XXYLT1: variants seen among roughly 807,000 people sequenced by gnomAD.
XXYLT1 encodes UDP-xylose:alpha-xyloside alpha-1,3-xylosyltransferase.
XXYLT1 carries 20 observed loss-of-function variants against 28.9 expected under a neutral mutation model. That is an observed-to-expected ratio of 0.69 (90% CI 0.49 to 1.00). XXYLT1 has a LOEUF of 1.00. Among genes scored for constraint, XXYLT1 ranks in the 50% least tolerant of loss-of-function variants. XXYLT1 has a pLI of 0.00. For synonymous variants in XXYLT1, 257 were observed against 253.8 expected (o/e 1.01, Z -0.12); for missense variants, 542 against 560.1 (o/e 0.97, Z 0.33).
In XXYLT1 at chr3:195,241,543, C is replaced by T. The variant is rs990135414; in HGVS notation, c.505-14687G>A. Among the ~76,000 whole-genome samples, 13 of 152,210 alleles carry T rather than the reference C, an allele frequency of 8.5e-5. 1 individual carries two copies. In the East Asian group the frequency reaches 1.5e-3, roughly 18 times the overall value. On this transcript the variant is annotated intron_variant, in intron 1 of 3. Transcript: ENST00000310380. ...AACAAAACATTGTTTTCCAATTAAC[C>T]TGCACCAAGAATGTGAAGGCGCATT... is the stretch of plus-strand genomic sequence containing the variant.
intron 3 of XXYLT1, among the ~76,000 whole-genome samples, chr3:195,134,910 A>G (rs1719114317): frequency 6.6e-6 from 1 of 151,964 alleles, no homozygotes; most frequent in Admixed American, 6.6e-5. Flanking sequence ...GCTATCAGCT[A>G]TTTCCAAAGA....
At chr3:195,157,718 G>C (rs1486337017) in intron 2 of XXYLT1, among the ~76,000 whole-genome samples, 2 of 152,314 alleles carry the variant, frequency 1.3e-5, no homozygotes, top group East Asian at 3.9e-4. Context: ...GCTGAAGCCT[G>C]AAATGGAAGA....
intron 3 of XXYLT1, among the ~76,000 whole-genome samples, chr3:195,149,254 AAAT>A (rs1378236424): frequency 1.3e-5 from 2 of 152,220 alleles, no homozygotes; most frequent in Non-Finnish European, 2.9e-5. Context: ...ATTTCTGGAA[AAAT>A]AATAACCTCC....
intron 3 of XXYLT1, among the ~76,000 whole-genome samples, chr3:195,110,330 T>C (rs145579904): frequency 0.024 from 15 of 634 alleles, 2 homozygotes; most frequent in South Asian, 0.12. Context: ...GAGGGTGAGG[T>C]GTGTGTATGT....
At position 195,255,615 on chromosome 3, in the gene XXYLT1, G is replaced by A. The variant is rs899701967; in HGVS notation, c.504+14940C>T. On this transcript the variant is annotated intron_variant, in intron 1 of 3. Coordinates refer to ENST00000310380, the MANE Select transcript of XXYLT1 (RefSeq NM_152531.5). This position sits in a 1 kb window ranked among gnomAD's most constrained non-coding sequence, Gnocchi z 4.5. ...AAACCAAAACAGAAGACAAACCGGCGCACAGAGCAAGCACAGCGTAGAACT... is the reference window on the plus strand; with the variant it reads ...AAACCAAAACAGAAGACAAACCGGCACACAGAGCAAGCACAGCGTAGAACT... 6.6e-5 allele frequency among the ~76,000 whole-genome samples: 10 copies of A among 152,216 alleles called. No individual in the cohort carries two copies. The highest frequency in any genetic ancestry group is 1.3e-4 in the Non-Finnish European group (9 of 68,034).
At chr3:195,137,087 G>C (rs897330660) in intron 3 of XXYLT1, among the ~76,000 whole-genome samples, 1 of 152,160 alleles carries the variant, frequency 6.6e-6, no homozygotes, top group Non-Finnish European at 1.5e-5. Flanking sequence ...AATCATACAG[G>C]TACAGCCTGC....
intron 2 of XXYLT1, among the ~76,000 whole-genome samples, chr3:195,221,990 T>C (rs1454605835): frequency 6.6e-6 from 1 of 152,138 alleles, no homozygotes; most frequent in Non-Finnish European, 1.5e-5. Flanking sequence ...GACCCCTTCG[T>C]TCTTCCTGAG....
In XXYLT1 at chr3:195,156,456, C is replaced by T; in HGVS notation, c.778G>A (p.Val260Ile). ...IIGIAREMQP[V>I]YRHTFWQFRH... ...CCTGCAGTCATGACGCACCTGTAAA[C>T]TGGCTGCATCTCCCGGGCTATGCCG... Residue 260 changes from valine to isoleucine, a missense_variant, in exon 3 of 4, where the codon GTT becomes ATT. Coordinates refer to ENST00000310380, the MANE Select transcript of XXYLT1 (RefSeq NM_152531.5). 1 of 1,613,970 alleles carries T rather than the reference C, an allele frequency of 6.2e-7. No individual in the cohort carries two copies. Among genetic ancestry groups the T allele is most frequent in the South Asian group, 1.1e-5 (1 of 91,076 alleles).
rs1053667875 is a variant in XXYLT1, at chr3:195,256,352, G to A, written c.504+14203C>T. Among the ~76,000 whole-genome samples, 8 of 152,310 alleles carry A rather than the reference G, an allele frequency of 5.3e-5. No individual in the cohort carries two copies. Among genetic ancestry groups the A allele is most frequent in the South Asian group, 2.1e-4 (1 of 4,830 alleles). ...ATGGTGGCAACTGTGGCTCATTGAC[G>A]GTGACGATAAACCTGAGACAGCTCT... On this transcript the variant is annotated intron_variant, in intron 1 of 3. Coordinates refer to ENST00000310380, the MANE Select transcript of XXYLT1 (RefSeq NM_152531.5). The surrounding 1 kb of genome is among the most constrained non-coding windows in gnomAD (Gnocchi z 4.2).
chr3:195,141,701 C>A (rs570468305), intron 3 of XXYLT1, among the ~76,000 whole-genome samples: 32 of 152,202 alleles, frequency 2.1e-4, no homozygotes, highest in Non-Finnish European at 4.7e-4. Flanking sequence ...CCAGCGCCAG[C>A]CAGCCAATGC....
chr3:195,189,477 A>G (rs1442387639), intron 2 of XXYLT1, among the ~76,000 whole-genome samples: 1 of 152,238 alleles, frequency 6.6e-6, no homozygotes, highest in Admixed American at 6.5e-5. Context: ...ACCCACACTC[A>G]GGAAATAAAG....
intron 3 of XXYLT1, among the ~76,000 whole-genome samples, chr3:195,138,679 AC>A (rs1719321533): frequency 6.6e-6 from 1 of 151,672 alleles, no homozygotes; most frequent in African/African-American, 2.4e-5. Context: ...GCATGGTGAA[AC>A]CCCGTCTCTA....
rs1490238938 is a variant in XXYLT1, at chr3:195,175,689, G to A, written c.653-19108C>T. 5 of 1,536,036 alleles carry A rather than the reference G, an allele frequency of 3.3e-6. No individual in the cohort carries two copies. The Admixed American group carries it at 7.8e-5, about 24-fold the overall frequency. On this transcript the variant is annotated intron_variant, in intron 2 of 3. Coordinates refer to ENST00000310380, the MANE Select transcript of XXYLT1 (RefSeq NM_152531.5). ...GTGGCCACATGACTAGCTCCTGGCT[G>A]ATGGACTATGAGCAGAAGTGCTGTG...
At chr3:195,080,305 C>T (rs374792929) in intron 3 of XXYLT1, among the ~76,000 whole-genome samples, 1 of 152,180 alleles carries the variant, frequency 6.6e-6, no homozygotes, top group African/African-American at 2.4e-5. Flanking sequence ...CCCTTCCTAG[C>T]GCTGGCCCTG....
intron 1 of XXYLT1, among the ~76,000 whole-genome samples, chr3:195,235,166 G>A (rs1334200417): frequency 1.3e-5 from 2 of 151,648 alleles, no homozygotes; most frequent in Non-Finnish European, 2.9e-5. Flanking sequence ...AGTGCAGTGG[G>A]GCAATCTTGC....
intron 2 of XXYLT1, among the ~76,000 whole-genome samples, chr3:195,201,022 C>G (rs1013010764): frequency 4.6e-5 from 7 of 152,132 alleles, no homozygotes; most frequent in Non-Finnish European, 1.0e-4. Flanking sequence ...AGTCAAAAAT[C>G]TCTATTTTTA....
At chr3:195,122,967 G>A (rs971073658) in intron 3 of XXYLT1, among the ~76,000 whole-genome samples, 1 of 152,146 alleles carries the variant, frequency 6.6e-6, no homozygotes, top group East Asian at 1.9e-4. Context: ...GTTCTGCAAC[G>A]AACCAGCTTG....
intron 1 of XXYLT1, among the ~76,000 whole-genome samples, chr3:195,265,040 C>T (rs751736321): frequency 5.3e-5 from 8 of 150,954 alleles, no homozygotes; most frequent in African/African-American, 9.8e-5. Context: ...CTAGCCTGCG[C>T]GGCAGACAGA....
chr3:195,159,853 C>T (rs1371192673), intron 2 of XXYLT1, among the ~76,000 whole-genome samples: 2 of 152,154 alleles, frequency 1.3e-5, no homozygotes, highest in South Asian at 2.1e-4. Flanking sequence ...AGGGGATGTG[C>T]GGTTGGAATT....
Sources: gnomAD v4.1 joint callset for allele counts (sites outside exome capture counted in the v4.1 genomes callset) on GRCh38, gnomAD v4.1.1 for gene constraint, Gnocchi (gnomAD v3.1) non-coding constraint, MANE v1.5 for transcripts, NCBI Gene and HGNC (gene_info 2026-07-23, HGNC 2026-07-21) for gene names.